Variants in CSE1L observed in about 807,000 individuals in gnomAD.
The protein encoded by CSE1L is chromosome segregation 1 like.
CSE1L carries 24 observed loss-of-function variants against 120.4 expected under a neutral mutation model. The observed-to-expected ratio is 0.20, with a 90% confidence interval of 0.14 to 0.28. CSE1L has a LOEUF of 0.28. CSE1L is among the 10% of genes least tolerant of loss of function. The pLI is 1.00. For synonymous variants in CSE1L, 402 were observed against 398.3 expected, an observed-to-expected ratio of 1.01 and a Z score of -0.11; for missense variants, 830 against 1,145.2, an observed-to-expected ratio of 0.72 and a Z score of 3.97.
chr20:49,058,432 A>C (rs1218709623), intron 1 of CSE1L, 21 bp from the exon 2 acceptor site: 1 of 1,543,222 alleles, frequency 6.5e-7, no homozygotes, highest in Admixed American at 1.8e-5. Flanking sequence ...CCAGTTATCC[A>C]AACCTTATTT....
intron 15 of CSE1L, among the ~76,000 whole-genome samples, chr20:49,084,667 G>A (rs1245216439): frequency 6.6e-6 from 1 of 152,138 alleles, no homozygotes; most frequent in Non-Finnish European, 1.5e-5. Flanking sequence ...ATTCACTGGG[G>A]ACCAAGAAAA....
At chr20:49,078,536 T>G in intron 13 of CSE1L, 25 bp from the exon 14 acceptor site, 1 of 1,513,728 alleles carries the variant, frequency 6.6e-7, no homozygotes, top group Non-Finnish European at 9.0e-7. Flanking sequence ...CTTAAGTAAC[T>G]GTGGCTTTCT....
At chr20:49,060,841 C>CA (rs1417553862) in intron 2 of CSE1L, among the ~76,000 whole-genome samples, 1 of 151,952 alleles carries the variant, frequency 6.6e-6, no homozygotes, top group Non-Finnish European at 1.5e-5. Context: ...ATCTTGTGAG[C>CA]AGTCAGTTAT....
chr20:49,070,273 G>T lies in CSE1L; in HGVS notation c.744G>T (p.Leu248Phe). 1 of 1,433,140 alleles carries T rather than the reference G, an allele frequency of 7.0e-7. No individual in the cohort carries two copies. The highest frequency in any genetic ancestry group is 2.0e-5 in the Admixed American group (1 of 50,626). The allele number at this position is 1,433,140 out of a possible 1,614,324, so 88.8% of individuals were successfully genotyped here. A position where few individuals can be genotyped will look rare whatever the true frequency, so the allele number is the denominator to read the frequency against. ...WMNNFHTLLTLDNKLLQTDDE... is the reference protein window; with the variant it reads ...WMNNFHTLLTFDNKLLQTDDE... ...ATAATTTTCATACTCTCTTAACATT[G>T]GATAATAAGCTTTTACAAACTGATG... The change falls in exon 8 of 25, where the codon TTG becomes TTT. Residue 248 changes from leucine to phenylalanine, a missense_variant. Physicochemically the swap from Leu to Phe is conservative, Grantham distance 22. Around this residue, in one of 4 missense-constraint regions of CSE1L, gnomAD observed 543 missense variants for 640.2 expected, o/e 0.85. Transcript: ENST00000262982.
At chr20:49,068,256 T>C (rs1007720170) in intron 6 of CSE1L, among the ~76,000 whole-genome samples, 5 of 152,118 alleles carry the variant, frequency 3.3e-5, no homozygotes, top group African/African-American at 1.2e-4. Context: ...AAATACATAC[T>C]TTAACCTATT....
intron 1 of CSE1L, among the ~76,000 whole-genome samples, chr20:49,047,447 G>T (rs574303989): frequency 2.0e-5 from 3 of 151,360 alleles, no homozygotes; most frequent in Non-Finnish European, 4.4e-5. Flanking sequence ...CCTTTTGTTT[G>T]CTGGGGAAGT....
intron 14 of CSE1L, among the ~76,000 whole-genome samples, chr20:49,079,112 C>T (rs2091990822): frequency 6.6e-6 from 1 of 152,178 alleles, no homozygotes; most frequent in African/African-American, 2.4e-5. Flanking sequence ...AGGCTGGTCT[C>T]AAACTCCTGA....
chr20:49,076,176 G>T (rs2091966666), intron 12 of CSE1L, among the ~76,000 whole-genome samples: 1 of 145,336 alleles, frequency 6.9e-6, no homozygotes, highest in South Asian at 2.1e-4. Context: ...GTTGTGTTTT[G>T]TTGTTGTTGT....
chr20:49,054,840 C>G (rs1448034070), intron 1 of CSE1L, among the ~76,000 whole-genome samples: 1 of 152,252 alleles, frequency 6.6e-6, no homozygotes. Flanking sequence ...CCACTATTCT[C>G]TCTTCCCATC....
intron 17 of CSE1L, among the ~76,000 whole-genome samples, chr20:49,088,468 C>G (rs1288784796): frequency 6.6e-6 from 1 of 152,118 alleles, no homozygotes; most frequent in Non-Finnish European, 1.5e-5. Flanking sequence ...TGATTAAAAT[C>G]CTTTGTGTTG....
At chr20:49,055,989 GA>G (rs2091803791) in intron 1 of CSE1L, among the ~76,000 whole-genome samples, 1 of 151,666 alleles carries the variant, frequency 6.6e-6, no homozygotes, top group Admixed American at 6.6e-5. Context: ...CTTTTTCATA[GA>G]AGCCTCTGGT....
At chr20:49,066,681 T>C (rs1326746929) in intron 5 of CSE1L, among the ~76,000 whole-genome samples, 171 bp downstream of exon 5, 8 of 152,154 alleles carry the variant, frequency 5.3e-5, no homozygotes, top group African/African-American at 1.9e-4. Flanking sequence ...GTTTATTTCA[T>C]ATTGCTCTAT....
At chr20:49,086,975 A>G (rs1379039702) in intron 16 of CSE1L, among the ~76,000 whole-genome samples, 3 of 152,214 alleles carry the variant, frequency 2.0e-5, no homozygotes, top group Non-Finnish European at 2.9e-5. Context: ...AGGAGGAAAC[A>G]TGATGTGCAG....
In CSE1L at chr20:49,058,540, G is replaced by A. The variant is rs747502351; in HGVS notation, c.77G>A (p.Arg26Gln). 4.3e-6 allele frequency: 7 copies of A among 1,612,836 alleles called. No individual in the cohort carries two copies. Among genetic ancestry groups the A allele is most frequent in the African/African-American group, 1.3e-5 (1 of 74,982 alleles). ...KKTLDPDPAI[R>Q]RPAEKFLESV... Reference sequence around the variant, plus strand: ...ACACTTGATCCTGATCCTGCCATCCGACGTCCAGGTAAAGAAAATAAACGT... The same window carrying A: ...ACACTTGATCCTGATCCTGCCATCCAACGTCCAGGTAAAGAAAATAAACGT... Residue 26 changes from arginine (R) to glutamine (Q), a missense_variant, in exon 2 of 25, where the codon CGA becomes CAA. Around this residue, in one of 4 missense-constraint regions of CSE1L, gnomAD observed 543 missense variants for 640.2 expected, o/e 0.85. Transcript: ENST00000262982.
chr20:49,080,030 T>C (rs1339144906), intron 14 of CSE1L, among the ~76,000 whole-genome samples: 1 of 152,122 alleles, frequency 6.6e-6, no homozygotes, highest in Non-Finnish European at 1.5e-5. Context: ...GCCAAGATCA[T>C]GCCATTGCAC....
chr20:49,059,999 A>G (rs1210043109), intron 2 of CSE1L, among the ~76,000 whole-genome samples: 3 of 152,042 alleles, frequency 2.0e-5, no homozygotes, highest in Non-Finnish European at 4.4e-5. Flanking sequence ...AGCCTGGGCA[A>G]CAAAGCAAGA....
At chr20:49,090,691 C>A in intron 19 of CSE1L, 51 bp from the exon 20 acceptor site, 3 of 1,378,718 alleles carry the variant, frequency 2.2e-6, no homozygotes, top group Non-Finnish European at 3.1e-6. Context: ...TTTAACTTTT[C>A]GAATAATTAT....
At chr20:49,064,463 A>T (rs1568768462) in intron 3 of CSE1L, among the ~76,000 whole-genome samples, 1 of 152,202 alleles carries the variant, frequency 6.6e-6, no homozygotes, top group Non-Finnish European at 1.5e-5. Context: ...TAATTTCAGC[A>T]CTTTGGGAGG....
intron 1 of CSE1L, among the ~76,000 whole-genome samples, chr20:49,051,065 CCTA>C (rs1383050180): frequency 1.3e-5 from 2 of 152,246 alleles, no homozygotes; most frequent in East Asian, 3.9e-4. Flanking sequence ...GCACAAAGTC[CCTA>C]CTATCAGTGG....
Sources: gnomAD v4.1 joint callset for allele counts (sites outside exome capture counted in the v4.1 genomes callset) on GRCh38, gnomAD v4.1.1 for gene constraint, gnomAD v4.1.1 regional missense constraint, MANE v1.5 for transcripts, NCBI Gene and HGNC (gene_info 2026-07-23, HGNC 2026-07-21) for gene names.